Variants in ANKS1B observed in about 807,000 individuals in gnomAD.
ANKS1B encodes ankyrin repeat and sterile alpha motif domain containing 1B.
A neutral mutation model predicts 148.3 loss-of-function variants in ANKS1B; 36 were observed. That is an observed-to-expected ratio of 0.24 (90% CI 0.19 to 0.32). The LOEUF is 0.32. Among genes scored for constraint, ANKS1B ranks in the 10% least tolerant of loss-of-function variants. The pLI, the probability that ANKS1B is intolerant of heterozygous loss-of-function variation, is 1.00. For missense variants in ANKS1B, 1,157 were observed against 1,542.6 expected (o/e 0.75, Z 4.19); for synonymous variants, 542 against 560.8 (o/e 0.97, Z 0.47).
At chr12:99,936,670 C>T (rs1332612125) in intron 1 of ANKS1B, among the ~76,000 whole-genome samples, 2 of 152,130 alleles carry the variant, frequency 1.3e-5, no homozygotes, top group East Asian at 3.9e-4. Context: ...CTCTTGGCTG[C>T]CTTGTCTGTT....
intron 12 of ANKS1B, among the ~76,000 whole-genome samples, chr12:99,374,696 C>G (rs1009113805): frequency 1.3e-5 from 2 of 152,184 alleles, no homozygotes; most frequent in Non-Finnish European, 2.9e-5. Context: ...GAACAAATTA[C>G]AGCAATATAA....
At chr12:99,659,635 C>T (rs1242192094) in intron 8 of ANKS1B, among the ~76,000 whole-genome samples, 2 of 150,434 alleles carry the variant, frequency 1.3e-5, no homozygotes, top group East Asian at 2.1e-4. Context: ...AGTGTGTGTT[C>T]GTGTGTGTTT....
intron 12 of ANKS1B, among the ~76,000 whole-genome samples, chr12:99,315,674 A>AT (rs953727810): frequency 3.4e-4 from 52 of 151,664 alleles, no homozygotes; most frequent in Non-Finnish European, 4.6e-4. Context: ...CCACTATCTA[A>AT]TTTTTTTTTA....
At chr12:99,589,793 A>G (rs1268302486) in intron 9 of ANKS1B, among the ~76,000 whole-genome samples, 1 of 152,166 alleles carries the variant, frequency 6.6e-6, no homozygotes, top group Admixed American at 6.5e-5. Context: ...AATTTATAGC[A>G]TATTTCAAGA....
chr12:99,244,301 A>G, intron 14 of ANKS1B, 41 bp downstream of exon 14: 4 of 1,385,144 alleles, frequency 2.9e-6, no homozygotes, highest in Non-Finnish European at 4.0e-6. Context: ...CTACTCCTTA[A>G]GCACATTTAT....
intron 17 of ANKS1B, among the ~76,000 whole-genome samples, chr12:98,841,722 T>C (rs986993748): frequency 1.3e-5 from 2 of 151,942 alleles, no homozygotes; most frequent in African/African-American, 2.4e-5. Flanking sequence ...AAAGCAGAGG[T>C]TGAGTCCCAA....
chr12:99,385,857 TA>T (rs1372599173), intron 12 of ANKS1B, among the ~76,000 whole-genome samples: 2 of 152,228 alleles, frequency 1.3e-5, no homozygotes, highest in Admixed American at 6.5e-5. Flanking sequence ...AAAGATATAT[TA>T]AAAATACTTT....
intron 12 of ANKS1B, among the ~76,000 whole-genome samples, chr12:99,379,191 T>C (rs2093532452): frequency 6.6e-6 from 1 of 152,242 alleles, no homozygotes; most frequent in Middle Eastern, 3.2e-3. Context: ...CTAGTGTATG[T>C]GGATTAATAA....
chr12:99,203,121 C>T (rs137955094), intron 14 of ANKS1B, among the ~76,000 whole-genome samples: 325 of 152,306 alleles, frequency 2.1e-3, no homozygotes, highest in African/African-American at 7.3e-3. Flanking sequence ...CAGTGGAGGT[C>T]TCTAATGTAA....
intron 1 of ANKS1B, among the ~76,000 whole-genome samples, chr12:99,969,560 G>C (rs1194305708): frequency 1.3e-5 from 2 of 152,084 alleles, no homozygotes; most frequent in Non-Finnish European, 2.9e-5. Flanking sequence ...TTACCACTCA[G>C]TTCAGTTTAC....
At position 99,405,759 on chromosome 12, in the gene ANKS1B, A is replaced by G. The variant is rs1338209781; in HGVS notation, c.1576-5948T>C. 1.4e-5 allele frequency among the ~76,000 whole-genome samples: 2 copies of G among 144,666 alleles called. 1 individual carries two copies. Among genetic ancestry groups the G allele is most frequent in the Non-Finnish European group, 3.1e-5 (2 of 65,492 alleles). The allele number at this position is 144,666 out of a possible 152,430, so 94.9% of individuals were successfully genotyped here. On this transcript the variant is annotated intron_variant, in intron 11 of 26. Coordinates refer to ENST00000683438, the MANE Select transcript of ANKS1B (RefSeq NM_001352186.2). ...GACAGAGAGTAGCTGAATGGGTTAA[A>G]AAAAAAAGACCCAACAATCTATTGC...
At chr12:99,560,179 CTAAT>C (rs144065990) in intron 9 of ANKS1B, among the ~76,000 whole-genome samples, 2,007 of 152,204 alleles carry the variant, frequency 0.013, 47 homozygotes, top group African/African-American at 0.046. Flanking sequence ...GAATTGATCT[CTAAT>C]TGACTGTAAA....
intron 17 of ANKS1B, among the ~76,000 whole-genome samples, chr12:98,891,592 C>G (rs969845927): frequency 6.6e-6 from 1 of 152,128 alleles, no homozygotes; most frequent in Non-Finnish European, 1.5e-5. Context: ...AATGCATTCA[C>G]GTAAATGTTC....
At chr12:99,752,210 T>A (rs1215846003) in intron 8 of ANKS1B, among the ~76,000 whole-genome samples, 1 of 152,068 alleles carries the variant, frequency 6.6e-6, no homozygotes, top group Non-Finnish European at 1.5e-5. Context: ...CTATTTCTTT[T>A]TTTAACACAC....
intron 12 of ANKS1B, among the ~76,000 whole-genome samples, chr12:99,352,881 TTATAGA>T (rs1170208620): frequency 6.6e-6 from 1 of 152,090 alleles, no homozygotes; most frequent in Admixed American, 6.6e-5. Context: ...ATAGAGTCTA[TTATAGA>T]TATAACTAAA....
chr12:98,993,108 C>A (rs1302741245), intron 17 of ANKS1B, among the ~76,000 whole-genome samples: 1 of 152,172 alleles, frequency 6.6e-6, no homozygotes, highest in East Asian at 1.9e-4. Context: ...AACCCAATCA[C>A]ATTTGGGTAA....
rs552717787 is a variant in ANKS1B at position 99,631,280 on chromosome 12, G to T, written c.1272+23787C>A. On this transcript the variant is annotated intron_variant, in intron 9 of 26. Transcript: ENST00000683438. ...TAAATTCCCCAGTTTCAGGTATTCTGTTATAAGTAACAGAAAATGAATTAA... is the reference window on the plus strand; with the variant it reads ...TAAATTCCCCAGTTTCAGGTATTCTTTTATAAGTAACAGAAAATGAATTAA... Among the ~76,000 whole-genome samples, 38 of 152,238 alleles carry T rather than the reference G, an allele frequency of 2.5e-4. No homozygotes were observed. In the East Asian group the frequency reaches 6.2e-3, roughly 25 times the overall value.
intron 17 of ANKS1B, among the ~76,000 whole-genome samples, chr12:99,007,689 C>G (rs574303534): frequency 6.6e-6 from 1 of 152,108 alleles, no homozygotes; most frequent in Non-Finnish European, 1.5e-5. Context: ...ACTCTTTCAC[C>G]TTGGAGAGTG....
chr12:99,714,540 T>C (rs970155314), intron 8 of ANKS1B, among the ~76,000 whole-genome samples: 4 of 152,196 alleles, frequency 2.6e-5, no homozygotes, highest in African/African-American at 9.6e-5. Context: ...TCAAGTTTTT[T>C]ATTATTATTA....
Sources: allele counts gnomAD v4.1 joint callset (sites outside exome capture counted in the v4.1 genomes callset), GRCh38; gene constraint gnomAD v4.1.1; transcripts MANE v1.5; gene names NCBI Gene and HGNC (gene_info 2026-07-23, HGNC 2026-07-21).